Variants in NRXN3 observed in about 807,000 individuals in gnomAD.
NRXN3 encodes neurexin 3.
In NRXN3, 32 loss-of-function variants were observed where a neutral mutation model predicts 137.6. That is an observed-to-expected ratio of 0.23 (90% CI 0.18 to 0.31). The LOEUF is 0.31. Among genes scored for constraint, NRXN3 ranks in the 10% least tolerant of loss-of-function variants. The pLI is 1.00. For missense variants in NRXN3, 1,574 were observed against 2,062.5 expected (o/e 0.76, Z 4.59); for synonymous variants, 798 against 784.5 (o/e 1.02, Z -0.29).
chr14:78,430,697 T>C (rs1051355272), intron 4 of NRXN3, among the ~76,000 whole-genome samples: 59 of 152,180 alleles, frequency 3.9e-4, no homozygotes, highest in Non-Finnish European at 1.0e-4. Flanking sequence ...CTGCCCTGCA[T>C]AGGTCTTGTT....
At chr14:78,268,924 G>A (rs894846843) in intron 2 of NRXN3, among the ~76,000 whole-genome samples, 1 of 152,102 alleles carries the variant, frequency 6.6e-6, no homozygotes. Context: ...TGTGAATAGG[G>A]ATCCCACTAA....
chr14:79,712,693 C>T (rs749502724), intron 19 of NRXN3, among the ~76,000 whole-genome samples: 1 of 152,168 alleles, frequency 6.6e-6, no homozygotes, highest in Non-Finnish European at 1.5e-5. Context: ...CTACAAAAGA[C>T]CTCACAAGAT....
intron 16 of NRXN3, among the ~76,000 whole-genome samples, chr14:79,655,853 A>G (rs1049422006): frequency 6.6e-6 from 1 of 152,172 alleles, no homozygotes; most frequent in African/African-American, 2.4e-5. Flanking sequence ...GTGAACCAAG[A>G]CATTAATGTA....
intron 15 of NRXN3, among the ~76,000 whole-genome samples, chr14:79,139,337 C>G (rs145806020): frequency 2.0e-5 from 3 of 152,146 alleles, no homozygotes; most frequent in African/African-American, 7.2e-5. Flanking sequence ...AGCAAGTCAA[C>G]AGAGACCTGT....
chr14:78,924,105 A>G (rs2099278374), intron 10 of NRXN3, among the ~76,000 whole-genome samples: 1 of 152,032 alleles, frequency 6.6e-6, no homozygotes, highest in Non-Finnish European at 1.5e-5. Flanking sequence ...AAAAATTAGC[A>G]GGGCGTGGTG....
intron 15 of NRXN3, among the ~76,000 whole-genome samples, chr14:79,327,254 A>G (rs181555300): frequency 1.2e-4 from 19 of 152,264 alleles, no homozygotes; most frequent in Admixed American, 7.2e-4. Context: ...GGAGGAGCCT[A>G]TTACTCACTT....
chr14:78,188,644 T>C (rs2060449815), intron 1 of NRXN3, among the ~76,000 whole-genome samples: 2 of 152,330 alleles, frequency 1.3e-5, no homozygotes, highest in South Asian at 4.1e-4. Context: ...GTGGTTATTA[T>C]AATTTGGATT....
intron 4 of NRXN3, among the ~76,000 whole-genome samples, chr14:78,464,689 T>C (rs2095044279): frequency 6.6e-6 from 1 of 152,220 alleles, no homozygotes; most frequent in South Asian, 2.1e-4. Flanking sequence ...AGAGTAAAAT[T>C]ATCTCCTCTG....
At chr14:78,336,578 C>T (rs916866848) in intron 4 of NRXN3, among the ~76,000 whole-genome samples, 16 of 152,110 alleles carry the variant, frequency 1.1e-4, no homozygotes, top group African/African-American at 3.9e-4. Flanking sequence ...TTCTCTGAAA[C>T]TGAGCAAGTA....
intron 15 of NRXN3, among the ~76,000 whole-genome samples, chr14:79,427,143 C>T (rs959802266): frequency 6.6e-6 from 1 of 152,030 alleles, no homozygotes; most frequent in African/African-American, 2.4e-5. Flanking sequence ...TTTTAAGAGG[C>T]GTGTTTCAAC....
intron 16 of NRXN3, among the ~76,000 whole-genome samples, chr14:79,525,050 A>C (rs2097105758): frequency 6.6e-6 from 1 of 152,158 alleles, no homozygotes; most frequent in African/African-American, 2.4e-5. Context: ...CTGCGTGGTC[A>C]GTTTTTACAC....
chr14:78,872,731 T>G (rs2099104519), intron 10 of NRXN3, among the ~76,000 whole-genome samples: 3 of 152,200 alleles, frequency 2.0e-5, no homozygotes, highest in South Asian at 2.1e-4. Context: ...TCAAGTCATT[T>G]TTTTTTAGTA....
chr14:79,307,728 T>G (rs1324563174), intron 15 of NRXN3, among the ~76,000 whole-genome samples: 1 of 152,114 alleles, frequency 6.6e-6, no homozygotes. Flanking sequence ...TACCATAGAT[T>G]AGTGCAGTCT....
intron 19 of NRXN3, among the ~76,000 whole-genome samples, chr14:79,772,483 A>G (rs1001367294): frequency 2.0e-5 from 3 of 152,312 alleles, no homozygotes; most frequent in African/African-American, 7.2e-5. Context: ...CATATCTACA[A>G]CTACCTGATC....
chr14:78,457,721 A>G (rs916254852), intron 4 of NRXN3, among the ~76,000 whole-genome samples: 74 of 152,318 alleles, frequency 4.9e-4, no homozygotes, highest in African/African-American at 1.1e-3. Context: ...ACAGATATAT[A>G]TGTGTGTATA....
chr14:79,413,883 C>CAAAAAA lies in NRXN3; in HGVS notation c.3263-53321_3263-53316dup, dbSNP rs372803175. 5.8e-4 allele frequency among the ~76,000 whole-genome samples: 44 copies of CAAAAAA among 76,298 alleles called. 2 individuals carry two copies. The East Asian group carries it at 0.012, about 20-fold the overall frequency. The allele number at this position is 76,298 out of a possible 152,430, so 50.1% of individuals were successfully genotyped here. The stretch of plus-strand genomic sequence containing the variant: ...GCTGACCCAGGAACCATGTGGTTCT[C>CAAAAAA]AAAAAAAAAAAAAAAAAAAAAAGCT... On this transcript the variant is annotated intron_variant, in intron 15 of 20. Transcript: ENST00000335750.
chr14:79,351,838 G>T (rs572012701), intron 15 of NRXN3, among the ~76,000 whole-genome samples: 30 of 152,238 alleles, frequency 2.0e-4, no homozygotes, highest in Non-Finnish European at 4.3e-4. Context: ...TAAAGGCATT[G>T]GTGTCTCACT....
Position 78,499,833 on chromosome 14 carries a change from C to T in NRXN3, c.758-145287C>T, listed in dbSNP as rs61976063. ...CTCAGTTTCTTGCCGTGTGGGCTTT[C>T]CCATCATGGCAGCTTCACCAAAGTC... On this transcript the variant is annotated intron_variant, in intron 4 of 20. Transcript: ENST00000335750. 8.8e-3 allele frequency among the ~76,000 whole-genome samples: 1,345 copies of T among 152,200 alleles called. 6 individuals carry two copies. The highest frequency in any genetic ancestry group is 0.024 in the Middle Eastern group (7 of 294).
intron 11 of NRXN3, among the ~76,000 whole-genome samples, chr14:78,962,663 G>A (rs2099410330): frequency 6.6e-6 from 1 of 152,106 alleles, no homozygotes; most frequent in Non-Finnish European, 1.5e-5. Context: ...ATCAACAAAG[G>A]AGTAAATTCG....
Sources: gnomAD v4.1 joint callset for allele counts (sites outside exome capture counted in the v4.1 genomes callset) on GRCh38, gnomAD v4.1.1 for gene constraint, MANE v1.5 for transcripts, NCBI Gene and HGNC (gene_info 2026-07-23, HGNC 2026-07-21) for gene names.